HMCN1: variants seen among roughly 807,000 people sequenced by gnomAD.
The protein encoded by HMCN1 is hemicentin 1.
Under a neutral mutation model 625.9 loss-of-function variants are expected in HMCN1, and 321 were observed. The ratio of observed to expected loss-of-function variants is 0.51; its 90% CI spans 0.47 to 0.56. HMCN1 has a LOEUF of 0.56. HMCN1 is among the 20% of genes least tolerant of loss of function. The pLI is 0.00. For synonymous variants in HMCN1, 2,425 were observed against 2,417.6 expected (o/e 1.00, Z -0.09); for missense variants, 6,588 against 6,887.3 (o/e 0.96, Z 1.54).
intron 105 of HMCN1, among the ~76,000 whole-genome samples, chr1:186,182,527 C>T (rs1395058389): frequency 6.6e-6 from 1 of 152,078 alleles, no homozygotes; most frequent in Non-Finnish European, 1.5e-5. Flanking sequence ...GCAAGAATGC[C>T]TAAGCCAGTT....
At chr1:185,828,779 G>A (rs1660679542) in intron 1 of HMCN1, among the ~76,000 whole-genome samples, 1 of 151,762 alleles carries the variant, frequency 6.6e-6, no homozygotes, top group Admixed American at 6.6e-5. Context: ...ATGTCAAACA[G>A]GAAACCCAAC....
intron 1 of HMCN1, among the ~76,000 whole-genome samples, chr1:185,823,471 AT>A (rs994652852): frequency 1.3e-5 from 2 of 151,972 alleles, no homozygotes; most frequent in Non-Finnish European, 2.9e-5. Context: ...ATACTGACAG[AT>A]TTTTTTTGTT....
At chr1:185,951,109 A>T (rs1177974905) in intron 11 of HMCN1, among the ~76,000 whole-genome samples, 1 of 151,752 alleles carries the variant, frequency 6.6e-6, no homozygotes, top group Non-Finnish European at 1.5e-5. Context: ...TCGGTCACCA[A>T]GGAGGGAGTA....
At chr1:185,960,065 A>G (rs1036529193) in intron 11 of HMCN1, among the ~76,000 whole-genome samples, 6 of 151,616 alleles carry the variant, frequency 4.0e-5, no homozygotes, top group Non-Finnish European at 8.8e-5. Context: ...TTTGGTAGAA[A>G]TCTAATTTTG....
At chr1:186,028,044 A>C (rs10752958) in intron 36 of HMCN1, among the ~76,000 whole-genome samples, 93,772 of 151,368 alleles carry the variant, frequency 0.62, 29,901 homozygotes, top group African/African-American at 0.79. Flanking sequence ...TTTATTCCTC[A>C]CTATTTCACA....
Position 185,978,000 on chromosome 1 carries a change from AT to A in HMCN1, c.2566+23del. Reference sequence around the variant, plus strand: ...ATTTTAAGTAGGTTGAAGGAAATATATTTTGTACGAATATGTACTTTTATGT... The same window carrying A: ...ATTTTAAGTAGGTTGAAGGAAATATATTTGTACGAATATGTACTTTTATGT... On this transcript the variant is annotated intron_variant, in intron 16 of 106. Coordinates refer to ENST00000271588, the MANE Select transcript of HMCN1 (RefSeq NM_031935.3). The A allele has an allele frequency of 6.5e-7, 1 of 1,540,310 alleles. No homozygotes were observed. Among genetic ancestry groups the A allele is most frequent in the Non-Finnish European group, 9.0e-7 (1 of 1,113,876 alleles).
At chr1:185,859,160 G>A (rs1553250925) in intron 2 of HMCN1, among the ~76,000 whole-genome samples, 3 of 146,530 alleles carry the variant, frequency 2.0e-5, no homozygotes, top group African/African-American at 5.1e-5. Flanking sequence ...GTGTGTGTGT[G>A]TATAAGCAAA....
chr1:185,946,632 A>G (rs1392146467), intron 11 of HMCN1, among the ~76,000 whole-genome samples: 1 of 152,206 alleles, frequency 6.6e-6, no homozygotes, highest in African/African-American at 2.4e-5. Flanking sequence ...AAGTTTTCTA[A>G]GTGAGAAAAA....
At chr1:186,171,517 A>G (rs1652229974) in intron 101 of HMCN1, 67 bp downstream of exon 101, 6 of 1,157,218 alleles carry the variant, frequency 5.2e-6, no homozygotes, top group Non-Finnish European at 7.8e-6. Context: ...TCTGATCTAA[A>G]TGCATACACT....
intron 78 of HMCN1, 126 bp downstream of exon 78, chr1:186,119,424 A>G: frequency 2.5e-6 from 2 of 806,572 alleles, no homozygotes; most frequent in Non-Finnish European, 2.2e-6. Flanking sequence ...GGGGATATGA[A>G]AGCCTGGTAG....
At chr1:185,768,987 A>G (rs1656053283) in intron 1 of HMCN1, among the ~76,000 whole-genome samples, 1 of 152,240 alleles carries the variant, frequency 6.6e-6, no homozygotes, top group Non-Finnish European at 1.5e-5. Context: ...TAAAAGGAAT[A>G]TGAAAATATT....
chr1:185,784,915 A>G (rs1657454180), intron 1 of HMCN1, among the ~76,000 whole-genome samples: 1 of 152,186 alleles, frequency 6.6e-6, no homozygotes, highest in Non-Finnish European at 1.5e-5. Context: ...TTGTTCTGAT[A>G]TCTGTCGTGG....
chr1:185,800,302 C>G (rs1353271931), intron 1 of HMCN1, among the ~76,000 whole-genome samples: 1 of 152,158 alleles, frequency 6.6e-6, no homozygotes, highest in Admixed American at 6.5e-5. Context: ...CCAGTGTTCT[C>G]CCTTAGACGA....
intron 29 of HMCN1, among the ~76,000 whole-genome samples, chr1:186,004,300 C>A (rs888603639): frequency 6.6e-6 from 1 of 152,090 alleles, no homozygotes; most frequent in Non-Finnish European, 1.5e-5. Flanking sequence ...GTGCCTACAT[C>A]GAAATGGCTG....
Position 185,928,568 on chromosome 1 carries a change from G to T in HMCN1, c.1453G>T (p.Asp485Tyr). The change falls in exon 10 of 107, where the codon GAT (aspartate) becomes TAT (tyrosine). Residue 485 changes from aspartate to tyrosine, a missense_variant. Asp to Tyr is a radical substitution (Grantham distance 160). Around this residue, in one of 3 missense-constraint regions of HMCN1, gnomAD observed 4,628 missense variants for 4,853.1 expected, o/e 0.95. Transcript: ENST00000271588. ...CAGAGAATCTGCCAGTGTGAACTTA[G>T]ATATTGCAAAGGTCACTTTGTCTGA... Reference protein sequence around the residue: ...YLKESASVNLDIAKVTLSDEG... With the variant: ...YLKESASVNLYIAKVTLSDEG... The T allele has an allele frequency of 1.9e-6, 3 of 1,613,234 alleles. No homozygotes were observed. The highest frequency in any genetic ancestry group is 2.5e-6 in the Non-Finnish European group (3 of 1,179,304).
chr1:185,743,975 C>CT (rs1654177178), intron 1 of HMCN1, among the ~76,000 whole-genome samples: 1 of 127,690 alleles, frequency 7.8e-6, no homozygotes, highest in Non-Finnish European at 1.6e-5. Context: ...GATGACTTTA[C>CT]TGTTTTGTTT....
intron 76 of HMCN1, 146 bp downstream of exon 76, chr1:186,117,261 A>G: frequency 8.4e-7 from 1 of 1,195,024 alleles, no homozygotes; most frequent in East Asian, 2.5e-5. Context: ...TTATATGGGT[A>G]AACTAGTGTC....
In HMCN1 at chr1:186,189,658, T is replaced by G; in HGVS notation, c.16688T>G (p.Met5563Arg). ...RLVAYTQDGVMHPRTTFLMVD... is the reference protein window; with the variant it reads ...RLVAYTQDGVRHPRTTFLMVD... ...GTTGCATACACACAGGATGGAGTGATGCATCCCAGGACAACTTTCCTCATG... is the reference window on the plus strand; with the variant it reads ...GTTGCATACACACAGGATGGAGTGAGGCATCCCAGGACAACTTTCCTCATG... The change falls in exon 107 of 107, where the codon ATG (methionine) becomes AGG (arginine). Residue 5563 changes from methionine (M) to arginine (R), a missense_variant. Physicochemically the swap from Met to Arg is moderately conservative, Grantham distance 91. Around this residue, in one of 3 missense-constraint regions of HMCN1, gnomAD observed 1,954 missense variants for 2,013.1 expected, o/e 0.97. Coordinates refer to ENST00000271588, the MANE Select transcript of HMCN1 (RefSeq NM_031935.3). 3 of 1,612,144 alleles carry G rather than the reference T, an allele frequency of 1.9e-6. 1 individual carries two copies. Among genetic ancestry groups the G allele is most frequent in the South Asian group, 2.2e-5 (2 of 90,856 alleles).
intron 42 of HMCN1, among the ~76,000 whole-genome samples, chr1:186,051,105 G>A (rs1656918510): frequency 6.6e-6 from 1 of 151,960 alleles, no homozygotes. Context: ...CAAGGAGAGA[G>A]AGGAGATGGT....
Sources: gnomAD v4.1 joint callset for allele counts (sites outside exome capture counted in the v4.1 genomes callset) on GRCh38, gnomAD v4.1.1 for gene constraint, gnomAD v4.1.1 regional missense constraint, MANE v1.5 for transcripts, NCBI Gene and HGNC (gene_info 2026-07-23, HGNC 2026-07-21) for gene names.